The following CD160 variants were observed in gnomAD, a reference collection of about 807,000 sequenced individuals.
The protein encoded by CD160 is CD160 antigen.
A neutral mutation model predicts 19.2 loss-of-function variants in CD160; 11 were observed. The ratio of observed to expected loss-of-function variants is 0.57; its 90% CI spans 0.36 to 0.95. The LOEUF (loss-of-function observed/expected upper bound fraction) is 0.95. Among genes scored for constraint, CD160 ranks in the 40% least tolerant of loss-of-function variants. CD160 has a pLI of 0.01. For synonymous variants in CD160, 75 were observed against 81.1 expected (o/e 0.93, Z 0.40); for missense variants, 182 against 213.2 (o/e 0.85, Z 0.91).
At chr1:145,728,214 A>G in intron 2 of CD160, 42 bp from the exon 3 acceptor site, 1 of 721,244 alleles carries the variant, frequency 1.4e-6, no homozygotes, top group Non-Finnish European at 2.4e-6. Context: ...TGGTCTTGGA[A>G]CCCTGGAAGG....
intron 4 of CD160, among the ~76,000 whole-genome samples, chr1:145,732,339 G>C (rs1371073424): frequency 6.6e-6 from 1 of 152,100 alleles, no homozygotes; most frequent in African/African-American, 2.4e-5. Context: ...AAACAAGAAA[G>C]TGAATCCATA....
At chr1:145,723,089 A>G (rs1656917799) in intron 1 of CD160, among the ~76,000 whole-genome samples, 1 of 152,152 alleles carries the variant, frequency 6.6e-6, no homozygotes, top group African/African-American at 2.4e-5. Flanking sequence ...TCACCAGGAC[A>G]TTCTGGTGTA....
At chr1:145,725,633 A>G (rs1357505705) in intron 2 of CD160, among the ~76,000 whole-genome samples, 2 of 152,170 alleles carry the variant, frequency 1.3e-5, no homozygotes, top group Non-Finnish European at 2.9e-5. Context: ...TCCATCCTTG[A>G]CATTTTAAAA....
intron 1 of CD160, among the ~76,000 whole-genome samples, chr1:145,722,422 A>G (rs1289019133): frequency 6.6e-6 from 1 of 152,074 alleles, no homozygotes; most frequent in Non-Finnish European, 1.5e-5. Context: ...TTAACCACTA[A>G]AACGTCCGCC....
intron 3 of CD160, among the ~76,000 whole-genome samples, chr1:145,728,826 G>T (rs938084787): frequency 1.3e-5 from 2 of 152,182 alleles, no homozygotes; most frequent in South Asian, 4.2e-4. Context: ...TTTTTCATTA[G>T]AACTGATACT....
At chr1:145,734,716 G>A (rs1326621383) in intron 4 of CD160, among the ~76,000 whole-genome samples, 15 of 152,144 alleles carry the variant, frequency 9.9e-5, no homozygotes, top group Admixed American at 9.8e-4. Flanking sequence ...CATCTTCTCA[G>A]CATATTTAAG....
At chr1:145,734,052 T>C (rs1202128165) in intron 4 of CD160, among the ~76,000 whole-genome samples, 2 of 152,182 alleles carry the variant, frequency 1.3e-5, no homozygotes, top group African/African-American at 4.8e-5. Flanking sequence ...TGGTTCCTCC[T>C]TTTTTCTTAA....
At position 145,730,730 on chromosome 1, in the gene CD160, C is replaced by T; in HGVS notation, c.74-14C>T. The stretch of plus-strand genomic sequence containing the variant: ...CTACCTGACCTCTGGGTAATTCTTC[C>T]CTTTCCATTCCAGGATGCATTAACA... On this transcript the variant is annotated splice_polypyrimidine_tract_variant and intron_variant, in intron 3 of 5. Transcript: ENST00000369288. The T allele has an allele frequency of 6.2e-7, 1 of 1,605,406 alleles. No individual in the cohort carries two copies. The highest frequency in any genetic ancestry group is 8.5e-7 in the Non-Finnish European group (1 of 1,177,482).
chr1:145,735,897 A>C (rs1238183609), intron 4 of CD160, 100 bp from the exon 5 acceptor site: 2 of 818,682 alleles, frequency 2.4e-6, no homozygotes, highest in Admixed American at 2.4e-5. Context: ...AGAGGGAGGA[A>C]TCCTTGGAGA....
intron 4 of CD160, among the ~76,000 whole-genome samples, chr1:145,735,285 G>A (rs774836193): frequency 3.9e-5 from 6 of 151,946 alleles, no homozygotes; most frequent in Non-Finnish European, 5.9e-5. Flanking sequence ...AGTAAATGAT[G>A]GATAAAAATC....
chr1:145,731,613 T>TGAGCCGAGATTGTGCCATTGCAC (rs1553709333), intron 4 of CD160, among the ~76,000 whole-genome samples: 6 of 152,144 alleles, frequency 3.9e-5, no homozygotes, highest in Non-Finnish European at 7.4e-5. Flanking sequence ...GAGGTTGCAG[T>TGAGCCGAGATTGTGCCATTGCAC]GAGCCGAGAT....
intron 1 of CD160, among the ~76,000 whole-genome samples, chr1:145,721,266 G>C (rs1307894413): frequency 3.3e-5 from 5 of 152,182 alleles, no homozygotes; most frequent in Non-Finnish European, 7.4e-5. Context: ...CCCATGGCTG[G>C]AGTGACGCGG....
rs1657276755 is a variant in CD160 at position 145,731,121 on chromosome 1, TGA to T, written c.400+52_400+53del. 3 of 1,432,454 alleles carry T rather than the reference TGA, an allele frequency of 2.1e-6. No individual in the cohort carries two copies. The South Asian group carries it at 3.7e-5, about 18-fold the overall frequency. The allele number at this position is 1,432,454 out of a possible 1,614,324, so 88.7% of individuals were successfully genotyped here. On this transcript the variant is annotated intron_variant, in intron 4 of 5. Coordinates refer to ENST00000369288, the MANE Select transcript of CD160 (RefSeq NM_007053.4). ...CACCAGGTGGGACAGTGAGCAGGGT[TGA>T]CAGTGGAGATGTAACCAGATAGTTC...
intron 3 of CD160, among the ~76,000 whole-genome samples, chr1:145,729,024 T>C (rs1361603356): frequency 6.6e-6 from 1 of 152,182 alleles, no homozygotes; most frequent in African/African-American, 2.4e-5. Flanking sequence ...TCAATTTGTG[T>C]ATTTATAAAA....
chr1:145,722,631 G>A (rs1184231648), intron 1 of CD160, among the ~76,000 whole-genome samples: 3 of 152,024 alleles, frequency 2.0e-5, no homozygotes, highest in Non-Finnish European at 1.5e-5. Context: ...TTGCTCTGTC[G>A]CCCAGGCTGG....
intron 2 of CD160, among the ~76,000 whole-genome samples, chr1:145,726,954 T>C (rs1657073892): frequency 6.6e-6 from 1 of 152,116 alleles, no homozygotes; most frequent in South Asian, 2.1e-4. Flanking sequence ...AAATTGAACA[T>C]ATCCCAATTT....
rs1657605016 is a variant in CD160 at position 145,738,915 on chromosome 1, A to G, written c.*422A>G. The G allele has an allele frequency of 6.5e-6, 1 of 153,766 alleles. No individual in the cohort carries two copies. The highest frequency in any genetic ancestry group is 2.4e-5 in the African/African-American group (1 of 41,594). The allele number at this position is 153,766 out of a possible 1,614,324, so 9.5% of individuals were successfully genotyped here. Reference sequence around the variant, plus strand: ...TTAACACTGCAAAGGAAAGAGAGAGAAAACAAGCAAAGATAGGTAGGACAG... The same window carrying G: ...TTAACACTGCAAAGGAAAGAGAGAGGAAACAAGCAAAGATAGGTAGGACAG... On this transcript the variant is annotated 3_prime_UTR_variant, in exon 6 of 6. Transcript: ENST00000369288.
At chr1:145,735,511 G>C (rs782242379) in intron 4 of CD160, among the ~76,000 whole-genome samples, 1 of 152,082 alleles carries the variant, frequency 6.6e-6, no homozygotes, top group African/African-American at 2.4e-5. Flanking sequence ...GATTGGGCTC[G>C]GGGCATGAGG....
chr1:145,733,024 G>A (rs1553709624), intron 4 of CD160, among the ~76,000 whole-genome samples: 1 of 152,136 alleles, frequency 6.6e-6, no homozygotes, highest in African/African-American at 2.4e-5. Context: ...GACAGTGGTT[G>A]TCTCAGACAA....
Sources: allele counts gnomAD v4.1 joint callset (sites outside exome capture counted in the v4.1 genomes callset), GRCh38; gene constraint gnomAD v4.1.1; transcripts MANE v1.5; gene names NCBI Gene and HGNC (gene_info 2026-07-23, HGNC 2026-07-21).